Variants in F13A1 observed in about 807,000 individuals in gnomAD.
F13A1 encodes coagulation factor XIII A chain.
Under a neutral mutation model 80.1 loss-of-function variants are expected in F13A1, and 47 were observed. The observed-to-expected ratio is 0.59, with a 90% CI of 0.46 to 0.75. The LOEUF is 0.75. Among genes scored for constraint, F13A1 ranks in the 30% least tolerant of loss-of-function variants. The pLI, the probability that F13A1 is intolerant of heterozygous loss-of-function variation, is 0.00. For missense variants in F13A1, 817 were observed against 930.4 expected (o/e 0.88, Z 1.59); for synonymous variants, 349 against 344.9 (o/e 1.01, Z -0.13).
intron 8 of F13A1, among the ~76,000 whole-genome samples, chr6:6,218,579 C>T (rs988158182): frequency 3.9e-5 from 6 of 152,156 alleles, no homozygotes; most frequent in African/African-American, 1.4e-4. Context: ...CCTGCTCTGC[C>T]CTTCTGAGGT....
At chr6:6,181,653 T>G (rs1487778555) in intron 11 of F13A1, among the ~76,000 whole-genome samples, 2 of 152,230 alleles carry the variant, frequency 1.3e-5, no homozygotes, top group East Asian at 1.9e-4. Flanking sequence ...TAAAATTACA[T>G]TAGTTATACA....
chr6:6,210,432 C>T (rs1761586367), intron 8 of F13A1, among the ~76,000 whole-genome samples: 1 of 148,688 alleles, frequency 6.7e-6, no homozygotes, highest in Non-Finnish European at 1.5e-5. Flanking sequence ...GAAAGCTCCA[C>T]CTCCCAGGTT....
chr6:6,242,983 C>G lies in F13A1; in HGVS notation c.798+5329G>C, dbSNP rs188366041. ...TTACTAGTCTGTGTTCTCTGTTAGACTGTAAGCTTTGTGAAGGCAGAAACT... is the reference window on the plus strand; with the variant it reads ...TTACTAGTCTGTGTTCTCTGTTAGAGTGTAAGCTTTGTGAAGGCAGAAACT... On this transcript the variant is annotated intron_variant, in intron 6 of 14. Transcript: ENST00000264870. Among the ~76,000 whole-genome samples, 9 of 152,310 alleles carry G rather than the reference C, an allele frequency of 5.9e-5. No individual in the cohort carries two copies. The East Asian group carries it at 1.5e-3, about 26-fold the overall frequency.
intron 13 of F13A1, among the ~76,000 whole-genome samples, chr6:6,161,403 C>T (rs547076081): frequency 6.6e-6 from 1 of 152,264 alleles, no homozygotes; most frequent in East Asian, 1.9e-4. Flanking sequence ...TTCTCACAAA[C>T]ATTGCTACAG....
chr6:6,226,205 T>C (rs1024750082), intron 6 of F13A1, among the ~76,000 whole-genome samples: 2 of 152,176 alleles, frequency 1.3e-5, no homozygotes, highest in Non-Finnish European at 2.9e-5. Flanking sequence ...TCCAGGAGCT[T>C]TTCCAAAAAC....
chr6:6,277,742 G>C (rs965754599), intron 3 of F13A1, among the ~76,000 whole-genome samples: 1 of 152,210 alleles, frequency 6.6e-6, no homozygotes, highest in East Asian at 1.9e-4. Context: ...TTCACCTTTT[G>C]ATGTATAGGG....
intron 6 of F13A1, among the ~76,000 whole-genome samples, chr6:6,233,621 A>G (rs191994510): frequency 2.0e-4 from 30 of 152,126 alleles, no homozygotes; most frequent in African/African-American, 7.2e-4. Context: ...ACCCTAATAC[A>G]AAAACCAGGA....
chr6:6,299,377 C>A (rs2113172554), intron 3 of F13A1, among the ~76,000 whole-genome samples: 1 of 130,682 alleles, frequency 7.7e-6, no homozygotes, highest in African/African-American at 3.7e-5. Flanking sequence ...CCATCACTTT[C>A]AGGTACACCA....
intron 12 of F13A1, among the ~76,000 whole-genome samples, chr6:6,173,759 A>C (rs912799195): frequency 6.6e-6 from 1 of 152,132 alleles, no homozygotes; most frequent in Non-Finnish European, 1.5e-5. Context: ...CACACTATTC[A>C]TTCTGGACAG....
intron 13 of F13A1, among the ~76,000 whole-genome samples, chr6:6,153,967 A>G (rs1324085905): frequency 6.6e-6 from 1 of 152,120 alleles, no homozygotes; most frequent in Non-Finnish European, 1.5e-5. Flanking sequence ...TCAGGAAAAT[A>G]GGTAACTTGA....
chr6:6,247,358 A>C (rs1291633314), intron 6 of F13A1, among the ~76,000 whole-genome samples: 1 of 152,194 alleles, frequency 6.6e-6, no homozygotes, highest in Non-Finnish European at 1.5e-5. Flanking sequence ...AATTGGTAAT[A>C]TAAGTATTTC....
chr6:6,318,687 A>G lies in F13A1; in HGVS notation c.-18-5T>C. On this transcript the variant is annotated splice_polypyrimidine_tract_variant and splice_region_variant and intron_variant, in intron 1 of 14. Coordinates refer to ENST00000264870, the MANE Select transcript of F13A1 (RefSeq NM_000129.4). The stretch of plus-strand genomic sequence containing the variant: ...CATTTTTGACTTTACAAGGTCCTTC[A>G]GAAAAAAAAAAAAAAGAAGACAACA... 1 of 1,515,722 alleles carries G rather than the reference A, an allele frequency of 6.6e-7. No individual in the cohort carries two copies. 93.9% of individuals were successfully genotyped at this position (1,515,722 alleles called of 1,614,324 possible). A position where few individuals can be genotyped will look rare whatever the true frequency, so the allele number is the denominator to read the frequency against.
At chr6:6,225,510 C>T (rs1757264307) in intron 6 of F13A1, among the ~76,000 whole-genome samples, 2 of 151,880 alleles carry the variant, frequency 1.3e-5, no homozygotes, top group African/African-American at 2.4e-5. Flanking sequence ...TTCTCTCTCT[C>T]TCTCTCTTTC....
rs1032273355 is a variant in F13A1 at position 6,167,733 on chromosome 6, A to T, written c.1748-115T>A. 6.1e-6 allele frequency: 7 copies of T among 1,152,918 alleles called. No individual in the cohort carries two copies. In the Admixed American group the frequency reaches 7.9e-5, roughly 13 times the overall value. The allele number at this position is 1,152,918 out of a possible 1,614,324, so 71.4% of individuals were successfully genotyped here. Reference sequence around the variant, plus strand: ...TTAGCCTGGAAGCCACCAGGAACACAGCAAAGGTAAGGGGCAAGTGGAACA... The same window carrying T: ...TTAGCCTGGAAGCCACCAGGAACACTGCAAAGGTAAGGGGCAAGTGGAACA... On this transcript the variant is annotated intron_variant, in intron 12 of 14. Coordinates refer to ENST00000264870, the MANE Select transcript of F13A1 (RefSeq NM_000129.4).
rs140053013 is a variant in F13A1, at chr6:6,275,479, C to T, written c.320-8670G>A. Among the ~76,000 whole-genome samples the T allele has an allele frequency of 8.7e-3, 1,322 of 152,250 alleles. 22 individuals are homozygous for T. Among genetic ancestry groups the T allele is most frequent in the African/African-American group, 0.029 (1,215 of 41,542 alleles). On this transcript the variant is annotated intron_variant, in intron 3 of 14. Coordinates refer to ENST00000264870, the MANE Select transcript of F13A1 (RefSeq NM_000129.4). ...CCACCTTCCAGGTTCAAGCGATTCT[C>T]CTGCCTCAGCCTCCCAAGTAGCTGG...
At chr6:6,213,169 A>G (rs1309437369) in intron 8 of F13A1, among the ~76,000 whole-genome samples, 1 of 152,122 alleles carries the variant, frequency 6.6e-6, no homozygotes, top group East Asian at 1.9e-4. Flanking sequence ...GATTCAGGAA[A>G]TACAGAGAAC....
intron 3 of F13A1, among the ~76,000 whole-genome samples, chr6:6,284,658 GC>G (rs1758111039): frequency 6.6e-6 from 1 of 152,162 alleles, no homozygotes; most frequent in Non-Finnish European, 1.5e-5. Flanking sequence ...TCCAAATGCA[GC>G]CAGACACTTG....
rs566007178 is a variant in F13A1 at position 6,299,780 on chromosome 6, C to T, written c.319+5571G>A. Reference sequence around the variant, plus strand: ...AGTCATTCTCCATCCAGCTTTGTTCCGTTGCTGGTGAGGAACTTCATTTCT... The same window carrying T: ...AGTCATTCTCCATCCAGCTTTGTTCTGTTGCTGGTGAGGAACTTCATTTCT... On this transcript the variant is annotated intron_variant, in intron 3 of 14. Coordinates refer to ENST00000264870, the MANE Select transcript of F13A1 (RefSeq NM_000129.4). Among the ~76,000 whole-genome samples, 60 of 148,356 alleles carry T rather than the reference C, an allele frequency of 4.0e-4. 1 individual carries two copies. Among genetic ancestry groups the T allele is most frequent in the South Asian group, 2.1e-4 (1 of 4,776 alleles).
At chr6:6,275,650 T>C (rs1206304465) in intron 3 of F13A1, among the ~76,000 whole-genome samples, 1 of 152,218 alleles carries the variant, frequency 6.6e-6, no homozygotes, top group Non-Finnish European at 1.5e-5. Context: ...ATTACAGGCG[T>C]GAGCCACTGT....
Sources: allele counts gnomAD v4.1 joint callset (sites outside exome capture counted in the v4.1 genomes callset), GRCh38; gene constraint gnomAD v4.1.1; transcripts MANE v1.5; gene names NCBI Gene and HGNC (gene_info 2026-07-23, HGNC 2026-07-21).